The following MATR3 variants were observed in gnomAD, a reference collection of about 807,000 sequenced individuals.
MATR3 encodes matrin-3.
Under a neutral mutation model 85.5 loss-of-function variants are expected in MATR3, and 4 were observed. The ratio of observed to expected loss-of-function variants is 0.05; its 90% CI spans 0.02 to 0.11. MATR3 has a LOEUF of 0.11. Ranked by LOEUF, MATR3 falls within the 10% of genes least tolerant of loss-of-function variation. MATR3 has a pLI of 1.00. For synonymous variants in MATR3, 336 were observed against 343.1 expected (o/e 0.98, Z 0.23); for missense variants, 685 against 1,016.1 (o/e 0.67, Z 4.43).
At chr5:139,287,173 T>C (rs547570141) in intron 3 of MATR3, among the ~76,000 whole-genome samples, 73 of 152,378 alleles carry the variant, frequency 4.8e-4, no homozygotes, top group Non-Finnish European at 9.3e-4. Context: ...ATGTCATTGA[T>C]GACAGGACTC....
Position 139,330,742 on chromosome 5 carries a change from G to C in MATR3, c.*1347G>C, listed in dbSNP as rs1338141153. On this transcript the variant is annotated 3_prime_UTR_variant, in exon 15 of 15. Transcript: ENST00000394805. ...CGGATGAGCAAGAATTAGTTCTGCAGCTTTTCAAAATAATTACGTAGAGAC... is the reference window on the plus strand; with the variant it reads ...CGGATGAGCAAGAATTAGTTCTGCACCTTTTCAAAATAATTACGTAGAGAC... 4.0e-5 allele frequency: 18 copies of C among 453,978 alleles called. No homozygotes were observed. Among genetic ancestry groups the C allele is most frequent in the Middle Eastern group, 6.8e-4 (1 of 1,466 alleles). The allele number at this position is 453,978 out of a possible 1,614,324, so 28.1% of individuals were successfully genotyped here.
chr5:139,323,529 AC>A (rs776655121), intron 12 of MATR3, among the ~76,000 whole-genome samples: 7 of 152,212 alleles, frequency 4.6e-5, no homozygotes, highest in Non-Finnish European at 8.8e-5. Context: ...TAAACAAAGG[AC>A]CCACATTGAG....
At chr5:139,301,521 G>A (rs558032343) in intron 1 of MATR3, among the ~76,000 whole-genome samples, 16 of 152,064 alleles carry the variant, frequency 1.1e-4, no homozygotes, top group African/African-American at 3.4e-4. Context: ...GGGTTTCAGC[G>A]TATTGGCCAG....
intron 14 of MATR3, among the ~76,000 whole-genome samples, chr5:139,326,579 C>G (rs1236656879): frequency 6.6e-6 from 1 of 152,016 alleles, no homozygotes; most frequent in Non-Finnish European, 1.5e-5. Context: ...CACCACCACA[C>G]CCAGCTAATT....
chr5:139,314,801 T>C, intron 3 of MATR3, 65 bp downstream of exon 3: 1 of 1,439,530 alleles, frequency 6.9e-7, no homozygotes, highest in Non-Finnish European at 9.8e-7. Flanking sequence ...TATTGGTTTT[T>C]GGGAGTTCAT....
intron 3 of MATR3, among the ~76,000 whole-genome samples, chr5:139,286,481 T>A (rs1035240175): frequency 6.6e-6 from 1 of 151,572 alleles, no homozygotes; most frequent in African/African-American, 2.4e-5. Flanking sequence ...CTGGACTTTT[T>A]AATTTTATTA....
In MATR3 at chr5:139,307,934, A is replaced by T; in HGVS notation, c.519A>T (p.Val173=). 2 of 1,614,112 alleles carry T rather than the reference A, an allele frequency of 1.2e-6. No individual in the cohort carries two copies. The highest frequency in any genetic ancestry group is 1.7e-6 in the Non-Finnish European group (2 of 1,180,006). The change falls in exon 2 of 15, where the codon GTA becomes GTT. Residue 173 remains valine (V), a synonymous_variant. Coordinates refer to ENST00000394805, the MANE Select transcript of MATR3 (RefSeq NM_018834.6). This position sits in a 1 kb window ranked among gnomAD's most constrained non-coding sequence, Gnocchi z 4.4. The stretch of plus-strand genomic sequence containing the variant: ...CTACACGGGAGCCACCATACAGAGT[A>T]CCTAGGGATGATTGGGAAGAAAAAA... ...RSATREPPYR[V]PRDDWEEKRH...
chr5:139,325,139 G>A (rs1261454210), intron 12 of MATR3, among the ~76,000 whole-genome samples: 1 of 151,904 alleles, frequency 6.6e-6, no homozygotes, highest in East Asian at 1.9e-4. Flanking sequence ...GTTGCAGTGA[G>A]CCGAGATCGC....
rs1025727692 is a variant in MATR3 at position 139,278,507 on chromosome 5, C to T, written c.-256-544C>T. 3 of 389,536 alleles carry T rather than the reference C, an allele frequency of 7.7e-6. No homozygotes were observed. In the Admixed American group the frequency reaches 8.7e-5, roughly 11 times the overall value. The allele number at this position is 389,536 out of a possible 1,614,324, so 24.1% of individuals were successfully genotyped here. ...GGAAACAAATGGGAGGTAAATTAAC[C>T]TGTATTTGTAAGATCCATGAAGGAA... On this transcript the variant is annotated intron_variant, in intron 2 of 16. Transcript: ENST00000509990.
intron 3 of MATR3, among the ~76,000 whole-genome samples, chr5:139,286,100 C>T (rs1753693786): frequency 6.6e-6 from 1 of 152,128 alleles, no homozygotes; most frequent in Non-Finnish European, 1.5e-5. Flanking sequence ...TTTTGAAATT[C>T]ATATATAACC....
chr5:139,321,701 T>G, intron 9 of MATR3, 197 bp from the exon 10 acceptor site: 1 of 592,292 alleles, frequency 1.7e-6, no homozygotes, highest in Non-Finnish European at 3.0e-6. Context: ...GAGGATCAGT[T>G]GGGCCCAGTA....
chr5:139,330,427 T>A lies in MATR3; in HGVS notation c.*1032T>A, dbSNP rs1338690478. 4 of 454,392 alleles carry A rather than the reference T, an allele frequency of 8.8e-6. No individual in the cohort carries two copies. Among genetic ancestry groups the A allele is most frequent in the African/African-American group, 4.0e-5 (2 of 50,020 alleles). 28.1% of individuals were successfully genotyped at this position (454,392 alleles called of 1,614,324 possible). A position where few individuals can be genotyped will look rare whatever the true frequency, so the allele number is the denominator to read the frequency against. On this transcript the variant is annotated 3_prime_UTR_variant, in exon 15 of 15. Coordinates refer to ENST00000394805, the MANE Select transcript of MATR3 (RefSeq NM_018834.6). The stretch of plus-strand genomic sequence containing the variant: ...GCCATGTTAATTGGTTATACATGTT[T>A]GGAATGTTAACCAACGTATTTGTCA...
Position 139,322,830 on chromosome 5 carries a change from A to G in MATR3, c.2011A>G (p.Ser671Gly), listed in dbSNP as rs1209173962. Reference sequence around the variant, plus strand: ...AGAAGAAGCAGCAGCACTGCTAGAAAGTGGCAGTTCAGTGGGAGACGAGAC... The same window carrying G: ...AGAAGAAGCAGCAGCACTGCTAGAAGGTGGCAGTTCAGTGGGAGACGAGAC... ...DEEEAAALLE[S>G]GSSVGDETDL... The change falls in exon 12 of 15, where the codon AGT becomes GGT. Residue 671 changes from serine to glycine, a missense_variant. Transcript: ENST00000394805. The G allele has an allele frequency of 6.2e-7, 1 of 1,614,230 alleles. No homozygotes were observed. The highest frequency in any genetic ancestry group is 2.2e-5 in the East Asian group (1 of 44,888).
intron 13 of MATR3, 61 bp from the exon 14 acceptor site, chr5:139,326,102 A>C: frequency 7.4e-7 from 1 of 1,357,818 alleles, no homozygotes; most frequent in Admixed American, 1.7e-5. Context: ...GACAGGTGAA[A>C]TTGTGAATAC....
chr5:139,295,658 C>T (rs1246418991), intron 1 of MATR3, among the ~76,000 whole-genome samples: 2 of 152,080 alleles, frequency 1.3e-5, no homozygotes, highest in Non-Finnish European at 2.9e-5. Context: ...TATTACAAGT[C>T]AGTTAATGGT....
At chr5:139,295,475 T>G (rs1258844747) in intron 1 of MATR3, among the ~76,000 whole-genome samples, 1 of 152,246 alleles carries the variant, frequency 6.6e-6, no homozygotes, top group Non-Finnish European at 1.5e-5. Context: ...CTTTGTACTT[T>G]ACCCAGAGAA....
intron 3 of MATR3, among the ~76,000 whole-genome samples, chr5:139,282,315 T>G (rs531155957): frequency 6.6e-6 from 1 of 152,346 alleles, no homozygotes; most frequent in South Asian, 2.1e-4. Flanking sequence ...CTTAATGCTA[T>G]TTAGGAACAC....
upstream of MATR3, among the ~76,000 whole-genome samples, chr5:139,289,403 G>C (rs577458681): frequency 3.8e-4 from 58 of 152,326 alleles, no homozygotes; most frequent in Middle Eastern, 3.4e-3. Context: ...CTGGATGAGA[G>C]AGCAAGACCC....
intron 3 of MATR3, among the ~76,000 whole-genome samples, chr5:139,288,408 A>T (rs1460425445): frequency 6.6e-6 from 1 of 152,184 alleles, no homozygotes; most frequent in Non-Finnish European, 1.5e-5. Flanking sequence ...TTATGCAAAC[A>T]TGGGTAGGTG....
Sources: gnomAD v4.1 joint callset for allele counts (sites outside exome capture counted in the v4.1 genomes callset) on GRCh38, gnomAD v4.1.1 for gene constraint, Gnocchi (gnomAD v3.1) non-coding constraint, MANE v1.5 for transcripts, NCBI Gene and HGNC (gene_info 2026-07-23, HGNC 2026-07-21) for gene names.